Variants in HTR4 observed in about 807,000 individuals in gnomAD.
HTR4 encodes the protein 5-hydroxytryptamine (serotonin) receptor 4, G protein-coupled.
HTR4 carries 16 observed loss-of-function variants against 36.8 expected under a neutral mutation model. The ratio of observed to expected loss-of-function variants is 0.43; its 90% CI spans 0.29 to 0.66. The LOEUF (loss-of-function observed/expected upper bound fraction) is 0.66, where lower values mean the gene tolerates loss of function less well. Among genes scored for constraint, HTR4 ranks in the 30% least tolerant of loss-of-function variants. HTR4 has a pLI of 0.13. For synonymous variants in HTR4, 189 were observed against 185.1 expected (o/e 1.02, Z -0.17); for missense variants, 438 against 490.9 (o/e 0.89, Z 1.02).
At chr5:148,653,727 C>G (rs1003413006) in intron 1 of HTR4, among the ~76,000 whole-genome samples, 1 of 152,166 alleles carries the variant, frequency 6.6e-6, no homozygotes, top group African/African-American at 2.4e-5. Context: ...TGCGCGCTCT[C>G]TCTTACACAC....
intron 2 of HTR4, among the ~76,000 whole-genome samples, chr5:148,560,205 TA>T (rs34166829): frequency 0.084 from 7,685 of 91,376 alleles, 383 homozygotes; most frequent in African/African-American, 0.16. Flanking sequence ...GCTTTTTTTT[TA>T]AAAAAAAAAA....
At chr5:148,555,524 G>A (rs1470035686) in intron 2 of HTR4, among the ~76,000 whole-genome samples, 2 of 152,166 alleles carry the variant, frequency 1.3e-5, no homozygotes, top group Non-Finnish European at 2.9e-5. Context: ...GTCCAGTAAT[G>A]ACAATTAAAA....
At chr5:148,478,723 T>C (rs533514393), downstream of HTR4, among the ~76,000 whole-genome samples, 10 of 152,206 alleles carry the variant, frequency 6.6e-5, no homozygotes, top group East Asian at 1.9e-4. Flanking sequence ...TTTTATGTGA[T>C]GGAATTCCAG....
intron 5 of HTR4, among the ~76,000 whole-genome samples, chr5:148,459,410 A>C (rs1254576338): frequency 6.6e-6 from 1 of 152,168 alleles, no homozygotes; most frequent in African/African-American, 2.4e-5. Context: ...GTCTGCCTTC[A>C]GGAGAAATAT....
intron 5 of HTR4, among the ~76,000 whole-genome samples, chr5:148,465,085 A>T (rs2113697617): frequency 6.6e-6 from 1 of 152,298 alleles, no homozygotes; most frequent in African/African-American, 2.4e-5. Flanking sequence ...AGGAGGAGGA[A>T]GAGATAAACA....
rs113636787 is a variant in HTR4, at chr5:148,483,555, C to T, written c.1077-262G>A. Among the ~76,000 whole-genome samples the T allele has an allele frequency of 3.2e-3, 492 of 152,260 alleles. 1 individual carries two copies. The highest frequency in any genetic ancestry group is 0.011 in the African/African-American group (472 of 41,542). On this transcript the variant is annotated intron_variant, in intron 6 of 6. Transcript: ENST00000377888. ...GATGGACCTATTACGCCTATCAGGCCCCCTCAACATTGTGCCCTCTACCGA... is the reference window on the plus strand; with the variant it reads ...GATGGACCTATTACGCCTATCAGGCTCCCTCAACATTGTGCCCTCTACCGA...
At chr5:148,520,236 G>T (rs910476566) in intron 5 of HTR4, among the ~76,000 whole-genome samples, 1 of 152,114 alleles carries the variant, frequency 6.6e-6, no homozygotes, top group East Asian at 1.9e-4. Context: ...GCAAATGAGT[G>T]GACAGATATG....
intron 6 of HTR4, among the ~76,000 whole-genome samples, chr5:148,491,574 G>A (rs10054327): frequency 0.46 from 69,870 of 151,480 alleles, 16,632 homozygotes; most frequent in African/African-American, 0.59. Context: ...GATTAGCAGC[G>A]TCCCTGGCCT....
intron 6 of HTR4, chr5:148,484,269 G>A: frequency 6.2e-7 from 1 of 1,613,300 alleles, no homozygotes; most frequent in South Asian, 1.1e-5. Flanking sequence ...CCCCAAGACA[G>A]GCTTCCTTGC....
intron 2 of HTR4, among the ~76,000 whole-genome samples, chr5:148,620,203 G>A (rs990085974): frequency 1.3e-5 from 2 of 152,210 alleles, no homozygotes; most frequent in Non-Finnish European, 2.9e-5. Flanking sequence ...AAAAGTCAGA[G>A]GTTGAACCAT....
At chr5:148,624,680 C>T (rs534126462) in intron 2 of HTR4, among the ~76,000 whole-genome samples, 2 of 152,270 alleles carry the variant, frequency 1.3e-5, no homozygotes, top group South Asian at 4.1e-4. Context: ...TTCTCCAAAT[C>T]CCGTAGCCTC....
intron 2 of HTR4, among the ~76,000 whole-genome samples, chr5:148,617,019 T>C (rs1415633207): frequency 6.6e-6 from 1 of 152,252 alleles, no homozygotes; most frequent in Non-Finnish European, 1.5e-5. Context: ...TATCATTATT[T>C]CCTTTCCATT....
intron 4 of HTR4, among the ~76,000 whole-genome samples, chr5:148,533,738 A>C (rs2113817953): frequency 6.6e-6 from 1 of 152,342 alleles, no homozygotes. Flanking sequence ...ACTAACCTCA[A>C]GAAGATCCAG....
chr5:148,466,339 G>A (rs922370897), intron 5 of HTR4, among the ~76,000 whole-genome samples: 5 of 152,092 alleles, frequency 3.3e-5, no homozygotes, highest in South Asian at 2.1e-4. Flanking sequence ...ATCTCTGACC[G>A]TCTCAATGTG....
At chr5:148,572,633 C>G (rs1230153098) in intron 2 of HTR4, among the ~76,000 whole-genome samples, 1 of 152,108 alleles carries the variant, frequency 6.6e-6, no homozygotes, top group Non-Finnish European at 1.5e-5. Context: ...CTCCAATGTT[C>G]AGTCCATGAG....
At chr5:148,560,409 T>G (rs1760153092) in intron 2 of HTR4, among the ~76,000 whole-genome samples, 1 of 152,134 alleles carries the variant, frequency 6.6e-6, no homozygotes, top group African/African-American at 2.4e-5. Context: ...AAATTTTACA[T>G]TTTTAGCAAG....
chr5:148,610,810 A>G (rs918564451), intron 2 of HTR4, among the ~76,000 whole-genome samples: 35 of 142,946 alleles, frequency 2.4e-4, no homozygotes, highest in Non-Finnish European at 4.6e-4. Flanking sequence ...AACTAGAATA[A>G]CCAATACAGA....
chr5:148,610,307 T>A (rs1256356638), intron 2 of HTR4, among the ~76,000 whole-genome samples: 1 of 152,184 alleles, frequency 6.6e-6, no homozygotes, highest in East Asian at 1.9e-4. Flanking sequence ...GCAGTGGTTC[T>A]CCCAGTACGC....
chr5:148,560,687 T>C (rs1760167752), intron 2 of HTR4, among the ~76,000 whole-genome samples: 1 of 152,172 alleles, frequency 6.6e-6, no homozygotes, highest in African/African-American at 2.4e-5. Context: ...TATCATGTGA[T>C]GTAATATCAT....
Sources: allele counts gnomAD v4.1 joint callset (sites outside exome capture counted in the v4.1 genomes callset), GRCh38; gene constraint gnomAD v4.1.1; transcripts MANE v1.5; gene names NCBI Gene and HGNC (gene_info 2026-07-23, HGNC 2026-07-21).